The following KAZN variants were observed in gnomAD, a reference collection of about 807,000 sequenced individuals.
KAZN encodes kazrin.
Under a neutral mutation model 87.4 loss-of-function variants are expected in KAZN, and 40 were observed. That is an observed-to-expected ratio of 0.46 (90% CI 0.36 to 0.60). The LOEUF is 0.60. Among genes scored for constraint, KAZN ranks in the 20% least tolerant of loss-of-function variants. The pLI is 0.00. For synonymous variants in KAZN, 466 were observed against 458.3 expected, an observed-to-expected ratio of 1.02 and a Z score of -0.22; for missense variants, 898 against 1,073.9, an observed-to-expected ratio of 0.84 and a Z score of 2.29.
chr1:14,476,924 T>A (rs1161686607), intron 2 of KAZN, among the ~76,000 whole-genome samples: 1 of 152,210 alleles, frequency 6.6e-6, no homozygotes, highest in African/African-American at 2.4e-5. Context: ...TTGCACCTCA[T>A]GTTCCCTCTG....
chr1:14,361,417 C>T (rs1659501187), intron 2 of KAZN, among the ~76,000 whole-genome samples: 3 of 152,226 alleles, frequency 2.0e-5, no homozygotes, highest in Non-Finnish European at 4.4e-5. Context: ...ACCAAGACCA[C>T]TTGGCTCCCT....
intron 1 of KAZN, among the ~76,000 whole-genome samples, chr1:14,743,548 A>C (rs1236435437): frequency 3.3e-5 from 5 of 152,188 alleles, no homozygotes; most frequent in Admixed American, 3.3e-4. Flanking sequence ...TGGCTTAAGC[A>C]AAAAGAAACA....
intron 4 of KAZN, among the ~76,000 whole-genome samples, chr1:15,054,339 G>A (rs1304512477): frequency 4.6e-5 from 7 of 152,062 alleles, no homozygotes; most frequent in Middle Eastern, 3.2e-3. Flanking sequence ...CCTCTGCCCT[G>A]TCATGAGCCC....
intron 1 of KAZN, among the ~76,000 whole-genome samples, chr1:13,954,166 T>G (rs1457060471): frequency 6.6e-6 from 1 of 152,170 alleles, no homozygotes; most frequent in Non-Finnish European, 1.5e-5. Context: ...ATTGCGCCAC[T>G]GCACTCCAGC....
intron 1 of KAZN, among the ~76,000 whole-genome samples, chr1:14,921,679 G>T (rs184828915): frequency 1.3e-5 from 2 of 152,198 alleles, no homozygotes; most frequent in East Asian, 3.9e-4. Context: ...ACTTGTGCTG[G>T]GTTTTGTTTA....
chr1:14,510,330 A>T (rs1020359166), intron 2 of KAZN, among the ~76,000 whole-genome samples: 10 of 151,436 alleles, frequency 6.6e-5, no homozygotes, highest in African/African-American at 2.4e-4. Flanking sequence ...GTGAGCCGAG[A>T]TGGCGCCATT....
intron 1 of KAZN, among the ~76,000 whole-genome samples, chr1:13,910,032 G>T (rs1192129625): frequency 6.6e-6 from 1 of 152,196 alleles, no homozygotes; most frequent in African/African-American, 2.4e-5. Flanking sequence ...TTTCAGTGGG[G>T]TCTGGTATGG....
intron 2 of KAZN, among the ~76,000 whole-genome samples, chr1:14,185,014 G>C (rs1199420166): frequency 2.0e-5 from 3 of 152,176 alleles, no homozygotes; most frequent in Non-Finnish European, 4.4e-5. Context: ...TCTAGCTGCT[G>C]CCGGCTTTAG....
chr1:14,448,693 G>C (rs1667112702), intron 2 of KAZN, among the ~76,000 whole-genome samples: 1 of 152,196 alleles, frequency 6.6e-6, no homozygotes, highest in African/African-American at 2.4e-5. Flanking sequence ...GCCCTGTACA[G>C]AATAGCAGGC....
chr1:14,440,371 A>G (rs894093428), intron 2 of KAZN, among the ~76,000 whole-genome samples: 6 of 152,206 alleles, frequency 3.9e-5, no homozygotes, highest in Non-Finnish European at 5.9e-5. Flanking sequence ...AGACTTTGGC[A>G]GAAATAAATT....
chr1:14,107,584 A>C (rs1452931006), intron 1 of KAZN, among the ~76,000 whole-genome samples: 1 of 152,134 alleles, frequency 6.6e-6, no homozygotes. Context: ...CCAGTGTTGC[A>C]GTTCTCAGGT....
intron 2 of KAZN, among the ~76,000 whole-genome samples, chr1:14,336,613 T>A (rs1657289926): frequency 6.6e-6 from 1 of 152,238 alleles, no homozygotes; most frequent in Non-Finnish European, 1.5e-5. Flanking sequence ...TACCTCCTCA[T>A]CAACACTTGT....
intron 2 of KAZN, among the ~76,000 whole-genome samples, chr1:14,448,190 G>C (rs1176936216): frequency 6.6e-6 from 1 of 152,218 alleles, no homozygotes; most frequent in African/African-American, 2.4e-5. Flanking sequence ...CCATCTTACA[G>C]AGGAGGGCAC....
chr1:14,626,520 G>T (rs966690936), intron 1 of KAZN, among the ~76,000 whole-genome samples: 4 of 152,138 alleles, frequency 2.6e-5, no homozygotes, highest in African/African-American at 9.7e-5. Context: ...TTACCATCCC[G>T]GCTGGGGGTC....
At chr1:14,725,017 G>C (rs911077349) in intron 1 of KAZN, among the ~76,000 whole-genome samples, 1 of 152,200 alleles carries the variant, frequency 6.6e-6, no homozygotes, top group Admixed American at 6.5e-5. Flanking sequence ...ATAAGAGATG[G>C]TTGTGAAAAA....
At chr1:14,127,737 C>A (rs375475451) in intron 1 of KAZN, among the ~76,000 whole-genome samples, 1 of 152,144 alleles carries the variant, frequency 6.6e-6, no homozygotes, top group African/African-American at 2.4e-5. Context: ...ATCCAGTCTG[C>A]GAATTTGGTC....
intron 2 of KAZN, among the ~76,000 whole-genome samples, chr1:14,240,594 C>A (rs990844793): frequency 3.3e-5 from 5 of 152,204 alleles, no homozygotes; most frequent in Non-Finnish European, 5.9e-5. Context: ...CTCCATCCCC[C>A]AAGATCCCCA....
At chr1:14,242,892 A>G (rs889557689) in intron 2 of KAZN, among the ~76,000 whole-genome samples, 1 of 152,148 alleles carries the variant, frequency 6.6e-6, no homozygotes, top group South Asian at 2.1e-4. Flanking sequence ...TACAACAAAA[A>G]CCAGCCACAG....
At chr1:14,438,385 A>C (rs1372037432) in intron 2 of KAZN, among the ~76,000 whole-genome samples, 1 of 152,180 alleles carries the variant, frequency 6.6e-6, no homozygotes, top group African/African-American at 2.4e-5. Context: ...GACATATGAC[A>C]TGTCAGATGG....
Sources: allele counts gnomAD v4.1 joint callset (sites outside exome capture counted in the v4.1 genomes callset), GRCh38; gene constraint gnomAD v4.1.1; transcripts MANE v1.5; gene names NCBI Gene and HGNC (gene_info 2026-07-23, HGNC 2026-07-21).